The following TTYH3 variants were observed in gnomAD, a reference collection of about 807,000 sequenced individuals.
The protein encoded by TTYH3 is protein tweety homolog 3.
A neutral mutation model predicts 68.2 loss-of-function variants in TTYH3; 23 were observed. The ratio of observed to expected loss-of-function variants is 0.34; its 90% CI spans 0.24 to 0.48. The LOEUF is 0.48. Among genes scored for constraint, TTYH3 ranks in the 20% least tolerant of loss-of-function variants. The pLI is 0.99. For synonymous variants in TTYH3, 360 were observed against 332.8 expected (o/e 1.08, Z -0.89); for missense variants, 768 against 727.7 (o/e 1.06, Z -0.64).
intron 8 of TTYH3, chr7:2,652,677 G>A (rs2114992155): frequency 3.4e-6 from 2 of 581,080 alleles, no homozygotes; most frequent in Admixed American, 3.0e-5. Flanking sequence ...AGGGCCGTGT[G>A]ACTGTGCTTT....
chr7:2,640,575 CT>C, intron 1 of TTYH3, among the ~76,000 whole-genome samples: 1 of 152,342 alleles, frequency 6.6e-6, no homozygotes, highest in Admixed American at 6.5e-5. Flanking sequence ...CCCTGCCCTG[CT>C]GTCATGCATG....
intron 1 of TTYH3, among the ~76,000 whole-genome samples, chr7:2,633,044 G>A (rs895221097): frequency 6.6e-6 from 1 of 152,054 alleles, no homozygotes; most frequent in Non-Finnish European, 1.5e-5. Context: ...GCCCTTTGCA[G>A]CCCTCTCCCA....
chr7:2,661,977 C>T lies in TTYH3; in HGVS notation c.*238C>T, dbSNP rs1389108534. 47 of 600,106 alleles carry T rather than the reference C, an allele frequency of 7.8e-5. 1 individual carries two copies. The Middle Eastern group carries it at 1.3e-3, about 17-fold the overall frequency. 37.2% of individuals were successfully genotyped at this position (600,106 alleles called of 1,614,324 possible). A position where few individuals can be genotyped will look rare whatever the true frequency, so the allele number is the denominator to read the frequency against. On this transcript the variant is annotated 3_prime_UTR_variant, in exon 14 of 14. Transcript: ENST00000258796. ...TGAACGCTGCTGCCAGCCGATGCCC[C>T]AGCCCTGCACGCCACCCACTATCCC...
chr7:2,654,039 A>T (rs1051911845), intron 9 of TTYH3, among the ~76,000 whole-genome samples: 1 of 152,190 alleles, frequency 6.6e-6, no homozygotes, highest in African/African-American at 2.4e-5. Context: ...CTCAGACTCC[A>T]TTTGGGAGCA....
intron 1 of TTYH3, among the ~76,000 whole-genome samples, chr7:2,635,557 C>T (rs953048972): frequency 2.6e-5 from 4 of 152,182 alleles, no homozygotes; most frequent in Admixed American, 6.5e-5. Flanking sequence ...CGAACCCAGG[C>T]GGTGGGAGCC....
At chr7:2,647,671 C>G (rs1321249166) in intron 4 of TTYH3, 33 bp downstream of exon 4, 1 of 1,532,884 alleles carries the variant, frequency 6.5e-7, no homozygotes, top group Admixed American at 2.0e-5. Context: ...GCCCGCCCCA[C>G]GTGGGAAAGC....
In TTYH3 at chr7:2,645,476, G is replaced by A. The variant is rs991634062; in HGVS notation, c.124-1377G>A. 2.0e-4 allele frequency: 36 copies of A among 183,310 alleles called. No homozygotes were observed. Among genetic ancestry groups the A allele is most frequent in the African/African-American group, 8.5e-4 (36 of 42,592 alleles). The allele number at this position is 183,310 out of a possible 1,614,324, so 11.4% of individuals were successfully genotyped here. A position where few individuals can be genotyped will look rare whatever the true frequency, so the allele number is the denominator to read the frequency against. On this transcript the variant is annotated intron_variant, in intron 1 of 13. Transcript: ENST00000258796. This position sits in a 1 kb window ranked among gnomAD's most constrained non-coding sequence, Gnocchi z 4.8. ...TGTTGCATCAAATTAGCCACTTCCT[G>A]TGGGGGTCGCCTGGCCTCGGGACAG...
intron 9 of TTYH3, 85 bp downstream of exon 9, chr7:2,653,095 A>G: frequency 1.5e-6 from 2 of 1,318,510 alleles, no homozygotes; most frequent in Non-Finnish European, 2.1e-6. Context: ...AACACAGCTC[A>G]GGGCAAATTT....
intron 1 of TTYH3, among the ~76,000 whole-genome samples, chr7:2,639,655 A>G (rs1277191588): frequency 6.6e-6 from 1 of 152,244 alleles, no homozygotes; most frequent in Non-Finnish European, 1.5e-5. Flanking sequence ...GTCCCCATCC[A>G]GGAAGCCGGG....
chr7:2,654,478 T>TAC (rs10575390), intron 9 of TTYH3, among the ~76,000 whole-genome samples: 67 of 151,710 alleles, frequency 4.4e-4, no homozygotes, highest in Middle Eastern at 3.4e-3. Flanking sequence ...ATAAAAATTA[T>TAC]ACACACACAC....
chr7:2,634,532 A>T (rs535674760), intron 1 of TTYH3, among the ~76,000 whole-genome samples: 171 of 60,274 alleles, frequency 2.8e-3, no homozygotes, highest in Admixed American at 6.4e-3. Context: ...CCTGCTGGGG[A>T]GTGGGCATCT....
Position 2,659,624 on chromosome 7 carries a change from C to T in TTYH3, c.1500+609C>T, listed in dbSNP as rs534524121. Among the ~76,000 whole-genome samples, 67 of 152,316 alleles carry T rather than the reference C, an allele frequency of 4.4e-4. 2 individuals carry two copies. The East Asian group carries it at 9.5e-3, about 22-fold the overall frequency. On this transcript the variant is annotated intron_variant, in intron 13 of 13. Transcript: ENST00000258796. ...GGTGCCGAAGAGAAGGAGTTGGTGGCGAAGCTGGGGGACCGGGGAGGGGGC... is the reference window on the plus strand; with the variant it reads ...GGTGCCGAAGAGAAGGAGTTGGTGGTGAAGCTGGGGGACCGGGGAGGGGGC...
intron 1 of TTYH3, among the ~76,000 whole-genome samples, chr7:2,641,594 A>G (rs1785848291): frequency 6.6e-6 from 1 of 152,192 alleles, no homozygotes; most frequent in South Asian, 2.1e-4. Flanking sequence ...ACAGACGGAA[A>G]ATTCCATTTG....
intron 13 of TTYH3, chr7:2,660,177 T>A (rs1786456997): frequency 8.6e-7 from 1 of 1,158,380 alleles, no homozygotes; most frequent in Non-Finnish European, 1.1e-6. Flanking sequence ...GGGCCAGCTC[T>A]GAGTGCCACG....
chr7:2,659,912 G>C (rs1482493002), intron 13 of TTYH3: 1 of 1,295,972 alleles, frequency 7.7e-7, no homozygotes. Flanking sequence ...TCTCTCTCTT[G>C]CACCCCACCC....
chr7:2,646,674 G>C (rs1785991896), intron 1 of TTYH3, among the ~76,000 whole-genome samples, 179 bp from the exon 2 acceptor site: 1 of 152,212 alleles, frequency 6.6e-6, no homozygotes, highest in Admixed American at 6.5e-5. Context: ...GTGACCCCAG[G>C]TGCATCACTG....
chr7:2,642,649 G>A (rs1023947882), intron 1 of TTYH3, among the ~76,000 whole-genome samples: 1 of 150,634 alleles, frequency 6.6e-6, no homozygotes, highest in Admixed American at 6.6e-5. Flanking sequence ...GATCACTTAA[G>A]CCCAGGAGGT....
chr7:2,660,110 C>T, intron 13 of TTYH3: 10 of 1,247,178 alleles, frequency 8.0e-6, no homozygotes, highest in Non-Finnish European at 9.4e-6. Context: ...CCTGCACTCA[C>T]TGCCGCCCTC....
At chr7:2,646,230 G>A (rs1241153226) in intron 1 of TTYH3, among the ~76,000 whole-genome samples, 1 of 152,184 alleles carries the variant, frequency 6.6e-6, no homozygotes, top group Non-Finnish European at 1.5e-5. Flanking sequence ...GGCCAGGCTG[G>A]TCTCAAACTC....
Sources: gnomAD v4.1 joint callset for allele counts (sites outside exome capture counted in the v4.1 genomes callset) on GRCh38, gnomAD v4.1.1 for gene constraint, Gnocchi (gnomAD v3.1) non-coding constraint, MANE v1.5 for transcripts, NCBI Gene and HGNC (gene_info 2026-07-23, HGNC 2026-07-21) for gene names.